Variants in TWIST2 observed in about 807,000 individuals in gnomAD.
The protein encoded by TWIST2 is twist family bHLH transcription factor 2.
In TWIST2, 1 loss-of-function variant was observed where a neutral mutation model predicts 11.6. The ratio of observed to expected loss-of-function variants is 0.09; its 90% confidence interval spans 0.03 to 0.41. The LOEUF (loss-of-function observed/expected upper bound fraction) is 0.41, where lower values mean the gene tolerates loss of function less well. TWIST2 is among the 10% of genes least tolerant of loss of function. TWIST2 has a pLI of 0.98. For missense variants in TWIST2, 168 were observed against 226.4 expected, an observed-to-expected ratio of 0.74 and a Z score of 1.66; for synonymous variants, 87 against 96.6, an observed-to-expected ratio of 0.90 and a Z score of 0.58.
chr2:238,875,687 T>C (rs143110833), intron 1 of TWIST2, among the ~76,000 whole-genome samples: 1,917 of 152,234 alleles, frequency 0.013, 76 homozygotes, highest in East Asian at 0.12. Context: ...GGGAATGCCA[T>C]AAATCAGGCC....
At chr2:238,896,270 G>A (rs1039914720) in intron 1 of TWIST2, among the ~76,000 whole-genome samples, 12,896 of 152,256 alleles carry the variant, frequency 0.085, 575 homozygotes, top group Non-Finnish European at 0.11. Flanking sequence ...CGTGCCTGCC[G>A]TGCCATCAAA....
At position 238,906,189 on chromosome 2, in the gene TWIST2, C is replaced by A. The variant is rs914156139; in HGVS notation, c.*36-3653C>A. On this transcript the variant is annotated intron_variant, in intron 1 of 1. Transcript: ENST00000612363. ...AGCGGAACCACACGTCCCCCCTGCACACTGCTGTGCGACATCAGACACCCA... is the reference window on the plus strand; with the variant it reads ...AGCGGAACCACACGTCCCCCCTGCAAACTGCTGTGCGACATCAGACACCCA... 2.2e-4 allele frequency among the ~76,000 whole-genome samples: 33 copies of A among 152,148 alleles called. 1 individual carries two copies. The South Asian group carries it at 6.8e-3, about 31-fold the overall frequency.
In TWIST2 at chr2:238,864,490, G is replaced by GATCCGC; in HGVS notation, c.*35+15757_*35+15758insATCCGC. Among the ~76,000 whole-genome samples, 1 of 152,302 alleles carries GATCCGC rather than the reference G, an allele frequency of 6.6e-6. No individual in the cohort carries two copies. Among genetic ancestry groups the GATCCGC allele is most frequent in the Non-Finnish European group, 1.5e-5 (1 of 68,022 alleles). ...AAGGTTTGAATGGGCCAGGCCTGGA[G>GATCCGC]CAGAGTGCAGGGTTGGAGGCGGCTC... On this transcript the variant is annotated intron_variant, in intron 1 of 1. Transcript: ENST00000612363. This position sits in a 1 kb window ranked among gnomAD's most constrained non-coding sequence, Gnocchi z 4.7.
intron 1 of TWIST2, among the ~76,000 whole-genome samples, chr2:238,865,922 G>A (rs1461244806): frequency 3.3e-5 from 5 of 152,284 alleles, no homozygotes; most frequent in African/African-American, 4.8e-5. Flanking sequence ...GTGCCCCGCC[G>A]GGGTCGGATC....
At chr2:238,876,079 A>G (rs1376308120) in intron 1 of TWIST2, among the ~76,000 whole-genome samples, 1 of 152,158 alleles carries the variant, frequency 6.6e-6, no homozygotes, top group African/African-American at 2.4e-5. Flanking sequence ...TGTCTCAGTG[A>G]GCTGTGCTTG....
intron 1 of TWIST2, among the ~76,000 whole-genome samples, chr2:238,898,140 T>C (rs1222300024): frequency 2.6e-5 from 4 of 152,178 alleles, no homozygotes; most frequent in East Asian, 1.9e-4. Context: ...AGGGCCCGGG[T>C]GCTGGGGGTG....
At chr2:238,876,822 A>G (rs1692811982) in intron 1 of TWIST2, among the ~76,000 whole-genome samples, 2 of 152,314 alleles carry the variant, frequency 1.3e-5, no homozygotes, top group South Asian at 4.2e-4. Context: ...AGGCACATCT[A>G]TAGTCAAAAA....
chr2:238,908,175 CCCA>C (rs1693387567), intron 1 of TWIST2, among the ~76,000 whole-genome samples: 2 of 151,244 alleles, frequency 1.3e-5, no homozygotes, highest in Middle Eastern at 3.4e-3. Context: ...ATATACATAC[CCCA>C]CACCACACAC....
At chr2:238,886,466 C>T (rs34855814) in intron 1 of TWIST2, among the ~76,000 whole-genome samples, 81,485 of 151,744 alleles carry the variant, frequency 0.54, 22,026 homozygotes, top group Middle Eastern at 0.6. Context: ...CAGAAGATGC[C>T]GTAAGGGTTG....
chr2:238,873,316 G>T (rs955743809), intron 1 of TWIST2, among the ~76,000 whole-genome samples: 3 of 152,132 alleles, frequency 2.0e-5, no homozygotes, highest in Non-Finnish European at 4.4e-5. Flanking sequence ...GGGAGGGCAG[G>T]CAGGAAACAC....
intron 1 of TWIST2, among the ~76,000 whole-genome samples, chr2:238,861,132 A>C (rs1692426862): frequency 6.6e-6 from 1 of 152,090 alleles, no homozygotes; most frequent in Non-Finnish European, 1.5e-5. Flanking sequence ...TTCCTTAGTT[A>C]AGTTGTGCAG....
At chr2:238,882,572 G>A (rs535792152) in intron 1 of TWIST2, among the ~76,000 whole-genome samples, 1 of 152,146 alleles carries the variant, frequency 6.6e-6, no homozygotes, top group African/African-American at 2.4e-5. Flanking sequence ...CCTTGACTCC[G>A]ATTGGCCTCC....
At chr2:238,909,157 G>GTGTAGTGTGGTGTGTA (rs1693410640) in intron 1 of TWIST2, among the ~76,000 whole-genome samples, 1 of 26,436 alleles carries the variant, frequency 3.8e-5, no homozygotes, top group African/African-American at 1.1e-4. Context: ...TGTATGTGGT[G>GTGTAGTGTGGTGTGTA]TGTAGTGTGG....
intron 1 of TWIST2, among the ~76,000 whole-genome samples, chr2:238,868,839 G>T (rs1224235593): frequency 6.6e-6 from 1 of 152,236 alleles, no homozygotes; most frequent in Non-Finnish European, 1.5e-5. Flanking sequence ...AGCGCTGCGT[G>T]CCGGCCGGTG....
At chr2:238,868,008 A>G (rs1334229809) in intron 1 of TWIST2, among the ~76,000 whole-genome samples, 1 of 152,230 alleles carries the variant, frequency 6.6e-6, no homozygotes, top group Non-Finnish European at 1.5e-5. Context: ...AACGAAAGAA[A>G]GATAGAAAAA....
intron 1 of TWIST2, among the ~76,000 whole-genome samples, chr2:238,903,375 G>T (rs1693302332): frequency 7.1e-6 from 1 of 140,616 alleles, no homozygotes; most frequent in Admixed American, 6.9e-5. Context: ...GTGTGATTTA[G>T]TGTGTGCGTG....
At chr2:238,896,837 C>T (rs1693213242) in intron 1 of TWIST2, among the ~76,000 whole-genome samples, 2 of 152,168 alleles carry the variant, frequency 1.3e-5, no homozygotes, top group African/African-American at 4.8e-5. Context: ...TGTCACTCAC[C>T]AGCCTGCTGA....
chr2:238,910,436 T>G lies in TWIST2; in HGVS notation c.*630T>G, dbSNP rs1050523293. On this transcript the variant is annotated 3_prime_UTR_variant, in exon 2 of 2. Coordinates refer to ENST00000612363, the MANE Select transcript of TWIST2 (RefSeq NM_001271893.4). The stretch of plus-strand genomic sequence containing the variant: ...ATTCTCTGTTCAGTGTATATGTTGC[T>G]TGTTTGTTTTATTTATTGAGATATT... 1 of 152,194 alleles carries G rather than the reference T, an allele frequency of 6.6e-6. No individual in the cohort carries two copies. The highest frequency in any genetic ancestry group is 1.5e-5 in the Non-Finnish European group (1 of 68,032). The allele number at this position is 152,194 out of a possible 1,614,324, so 9.4% of individuals were successfully genotyped here.
At chr2:238,888,521 C>T (rs921024707) in intron 1 of TWIST2, among the ~76,000 whole-genome samples, 4 of 152,138 alleles carry the variant, frequency 2.6e-5, no homozygotes, top group African/African-American at 9.7e-5. Context: ...GACTTTGACA[C>T]CACTCTGTAT....
Sources: gnomAD v4.1 joint callset for allele counts (sites outside exome capture counted in the v4.1 genomes callset) on GRCh38, gnomAD v4.1.1 for gene constraint, Gnocchi (gnomAD v3.1) non-coding constraint, MANE v1.5 for transcripts, NCBI Gene and HGNC (gene_info 2026-07-23, HGNC 2026-07-21) for gene names.